The following SNX25 variants were observed in gnomAD, a reference collection of about 807,000 sequenced individuals.
SNX25 encodes the protein sorting nexin 25.
Under a neutral mutation model 113.7 loss-of-function variants are expected in SNX25, and 62 were observed. The observed-to-expected ratio is 0.55, with a 90% CI of 0.44 to 0.67. The LOEUF (loss-of-function observed/expected upper bound fraction) is 0.67, where lower values mean the gene tolerates loss of function less well. SNX25 is among the 30% of genes least tolerant of loss of function. The pLI, the probability that SNX25 is intolerant of heterozygous loss-of-function variation, is 0.00. For missense variants in SNX25, 1,014 were observed against 1,161.0 expected (o/e 0.87, Z 1.84); for synonymous variants, 421 against 436.2 (o/e 0.97, Z 0.43).
At chr4:185,331,553 G>C (rs1441127727) in intron 9 of SNX25, among the ~76,000 whole-genome samples, 2 of 152,158 alleles carry the variant, frequency 1.3e-5, no homozygotes, top group South Asian at 4.1e-4. Flanking sequence ...GGACGAGGCA[G>C]GTGGATCACT....
intron 5 of SNX25, 22 bp downstream of exon 5, chr4:185,267,177 CACAGCA>C (rs1157688623): frequency 6.2e-7 from 1 of 1,602,776 alleles, no homozygotes. Flanking sequence ...TCAATTATAG[CACAGCA>C]ACAGCTACTG....
intron 6 of SNX25, among the ~76,000 whole-genome samples, 161 bp downstream of exon 6, chr4:185,288,243 A>G (rs1442059375): frequency 6.6e-6 from 1 of 152,202 alleles, no homozygotes; most frequent in African/African-American, 2.4e-5. Context: ...TAGAGAAGTA[A>G]ATATAATTTC....
At chr4:185,305,476 A>G (rs1408441115) in intron 6 of SNX25, among the ~76,000 whole-genome samples, 2 of 152,194 alleles carry the variant, frequency 1.3e-5, no homozygotes, top group Non-Finnish European at 1.5e-5. Context: ...TTCTGGAGTC[A>G]TGAGTTTGCA....
chr4:185,245,554 G>GA (rs1446245817), intron 1 of SNX25, among the ~76,000 whole-genome samples: 3 of 152,040 alleles, frequency 2.0e-5, no homozygotes, highest in African/African-American at 7.2e-5. Flanking sequence ...GGCCAGGCTG[G>GA]ACTCAAACTC....
intron 3 of SNX25, among the ~76,000 whole-genome samples, chr4:185,260,574 T>C (rs1747149515): frequency 6.6e-6 from 1 of 152,240 alleles, no homozygotes; most frequent in Admixed American, 6.5e-5. Flanking sequence ...TATTGGTATT[T>C]ACCATATTTG....
At chr4:185,248,741 C>T (rs910021797) in intron 2 of SNX25, among the ~76,000 whole-genome samples, 1 of 152,164 alleles carries the variant, frequency 6.6e-6, no homozygotes, top group African/African-American at 2.4e-5. Context: ...TTATACAATT[C>T]AGTAATTTTC....
chr4:185,226,212 G>C (rs993415439), intron 1 of SNX25, among the ~76,000 whole-genome samples: 2 of 152,158 alleles, frequency 1.3e-5, no homozygotes, highest in Non-Finnish European at 2.9e-5. Flanking sequence ...TAGTAGAATG[G>C]CGGTGGTGCC....
intron 1 of SNX25, among the ~76,000 whole-genome samples, chr4:185,241,540 A>G (rs1187647563): frequency 8.7e-6 from 1 of 115,244 alleles, no homozygotes; most frequent in Admixed American, 8.7e-5. Context: ...GGAGAGGGAG[A>G]GGAGGGAGAG....
intron 12 of SNX25, among the ~76,000 whole-genome samples, chr4:185,345,552 T>C (rs2095281481): frequency 6.6e-6 from 1 of 152,070 alleles, no homozygotes; most frequent in African/African-American, 2.4e-5. Context: ...TCCAGCACTT[T>C]GGGAGGCTGA....
At chr4:185,277,352 G>T (rs1749859291) in intron 5 of SNX25, among the ~76,000 whole-genome samples, 1 of 152,096 alleles carries the variant, frequency 6.6e-6, no homozygotes, top group Non-Finnish European at 1.5e-5. Flanking sequence ...GAAAAAAAGT[G>T]GTGCTAAGTC....
chr4:185,291,395 A>C (rs1346139752), intron 6 of SNX25, among the ~76,000 whole-genome samples: 3 of 152,190 alleles, frequency 2.0e-5, no homozygotes, highest in Non-Finnish European at 4.4e-5. Context: ...GACAACCACC[A>C]TTCTACTTTC....
chr4:185,295,578 T>C (rs1752732089), intron 6 of SNX25, among the ~76,000 whole-genome samples: 1 of 151,706 alleles, frequency 6.6e-6, no homozygotes, highest in Non-Finnish European at 1.5e-5. Context: ...GCTTCCCGAG[T>C]AGCTGGGATG....
chr4:185,250,356 T>G, intron 2 of SNX25, among the ~76,000 whole-genome samples: 1 of 152,252 alleles, frequency 6.6e-6, no homozygotes, highest in African/African-American at 2.4e-5. Context: ...CAGCTGTTGC[T>G]TTCCACTGGT....
chr4:185,343,783 A>AT (rs2095271611), intron 12 of SNX25, among the ~76,000 whole-genome samples: 1 of 152,174 alleles, frequency 6.6e-6, no homozygotes, highest in African/African-American at 2.4e-5. Context: ...TGGTGAAACT[A>AT]TAACTGTCAA....
intron 10 of SNX25, among the ~76,000 whole-genome samples, chr4:185,335,901 T>G (rs765879997): frequency 1.3e-5 from 2 of 152,104 alleles, no homozygotes; most frequent in Non-Finnish European, 2.9e-5. Flanking sequence ...TCACAGTACT[T>G]ATTGATGTTA....
chr4:185,351,297 G>C, intron 13 of SNX25, 148 bp from the exon 14 acceptor site: 1 of 772,386 alleles, frequency 1.3e-6, no homozygotes. Flanking sequence ...TATATAGTTT[G>C]TTTCAGGGGG....
intron 5 of SNX25, among the ~76,000 whole-genome samples, chr4:185,279,956 T>C (rs1190579227): frequency 6.6e-6 from 1 of 152,192 alleles, no homozygotes; most frequent in East Asian, 1.9e-4. Flanking sequence ...GGTCTCACTC[T>C]GTCACCCAGG....
chr4:185,371,434 C>G (rs553479677), downstream of SNX25, among the ~76,000 whole-genome samples: 14 of 150,592 alleles, frequency 9.3e-5, no homozygotes, highest in South Asian at 2.1e-4. Flanking sequence ...CCCAGCTACT[C>G]GGGAGGCTGA....
chr4:185,329,595 C>T (rs777043318), intron 9 of SNX25, among the ~76,000 whole-genome samples: 1 of 152,040 alleles, frequency 6.6e-6, no homozygotes, highest in Non-Finnish European at 1.5e-5. Flanking sequence ...TTTTACGAAT[C>T]GGCTGGATTA....
Sources: allele counts gnomAD v4.1 joint callset (sites outside exome capture counted in the v4.1 genomes callset), GRCh38; gene constraint gnomAD v4.1.1; transcripts MANE v1.5; gene names NCBI Gene and HGNC (gene_info 2026-07-23, HGNC 2026-07-21).